Variants in STIP1 observed in about 807,000 individuals in gnomAD.
STIP1 encodes stress induced phosphoprotein 1.
Under a neutral mutation model 77.4 loss-of-function variants are expected in STIP1, and 16 were observed. The ratio of observed to expected loss-of-function variants is 0.21; its 90% CI spans 0.14 to 0.31. The LOEUF is 0.31. Among genes scored for constraint, STIP1 ranks in the 10% least tolerant of loss-of-function variants. The pLI is 1.00. For synonymous variants in STIP1, 258 were observed against 246.6 expected (o/e 1.05, Z -0.44); for missense variants, 524 against 684.8 (o/e 0.77, Z 2.62).
Position 64,204,228 on chromosome 11 carries a change from TCA to T in STIP1, c.*103_*104del. 2 of 1,159,884 alleles carry T rather than the reference TCA, an allele frequency of 1.7e-6. No individual in the cohort carries two copies. Among genetic ancestry groups the T allele is most frequent in the Non-Finnish European group, 1.3e-6 (1 of 794,256 alleles). 71.8% of individuals were successfully genotyped at this position (1,159,884 alleles called of 1,614,324 possible). On this transcript the variant is annotated 3_prime_UTR_variant, in exon 14 of 14. Transcript: ENST00000305218. ...AAGGGAGAGCAGGGGAGAGAAGGCC[TCA>T]TCTCTCTATATTTATACATAACCCC...
chr11:64,203,910 C>A, intron 13 of STIP1, 144 bp from the exon 14 acceptor site: 2 of 980,942 alleles, frequency 2.0e-6, no homozygotes, highest in Non-Finnish European at 1.6e-6. Flanking sequence ...GTGGAGCAGG[C>A]CTCTGCAGCT....
chr11:64,187,756 C>T (rs542537281), intron 1 of STIP1, among the ~76,000 whole-genome samples: 4 of 152,212 alleles, frequency 2.6e-5, no homozygotes, highest in African/African-American at 7.2e-5. Flanking sequence ...AATCCCAGCA[C>T]TTTGGGAGGC....
upstream of STIP1, chr11:64,185,971 A>T: frequency 6.5e-7 from 1 of 1,539,330 alleles, no homozygotes; most frequent in Non-Finnish European, 8.7e-7. Flanking sequence ...GGAGCCTGAG[A>T]TGGGTGGGTT....
chr11:64,191,306 C>CT (rs1946090120), intron 1 of STIP1, among the ~76,000 whole-genome samples: 1 of 151,220 alleles, frequency 6.6e-6, no homozygotes, highest in Non-Finnish European at 1.5e-5. Context: ...GAGATGCCAT[C>CT]TTTAAAAAAA....
In STIP1 at chr11:64,186,266, A is replaced by G; in HGVS notation, c.5A>G (p.Glu2Gly). The change falls in exon 1 of 14, where the codon GAG becomes GGG. Residue 2 changes from glutamate (E) to glycine (G), a missense_variant. By Grantham distance (98) the Glu-to-Gly change is moderately conservative. Coordinates refer to ENST00000305218, the MANE Select transcript of STIP1 (RefSeq NM_006819.3). ...GGTTCCGGACCGCGCTGCGCTATGG[A>G]GCAGGTGAAGGGGGAGGGGCGGGCT... is the stretch of plus-strand genomic sequence containing the variant. Reference protein sequence around the residue: MEQVNELKEKGN... With the variant: MGQVNELKEKGN... The G allele has an allele frequency of 6.1e-6, 9 of 1,472,548 alleles. No individual in the cohort carries two copies. The highest frequency in any genetic ancestry group is 8.2e-6 in the Non-Finnish European group (9 of 1,100,456). The allele number at this position is 1,472,548 out of a possible 1,614,324, so 91.2% of individuals were successfully genotyped here. A position where few individuals can be genotyped will look rare whatever the true frequency, so the allele number is the denominator to read the frequency against.
chr11:64,199,854 C>T (rs539976924), intron 8 of STIP1, 86 bp from the exon 9 acceptor site: 34 of 1,514,212 alleles, frequency 2.2e-5, no homozygotes, highest in Non-Finnish European at 2.1e-5. Context: ...TGAGCCACCG[C>T]GCCCGGCCCC....
At chr11:64,203,092 G>T (rs149788460) in intron 11 of STIP1, 33 bp from the exon 12 acceptor site, 1 of 1,612,604 alleles carries the variant, frequency 6.2e-7, no homozygotes, top group Non-Finnish European at 8.5e-7. Context: ...TGGGCGCTGC[G>T]GTTGGATAAC....
At chr11:64,195,084 G>C (rs1946133833) in intron 4 of STIP1, among the ~76,000 whole-genome samples, 1 of 152,184 alleles carries the variant, frequency 6.6e-6, no homozygotes, top group South Asian at 2.1e-4. Context: ...GAATAAACTT[G>C]ACCTCTGTGA....
chr11:64,191,693 G>T (rs1946094342), intron 1 of STIP1, among the ~76,000 whole-genome samples: 1 of 151,970 alleles, frequency 6.6e-6, no homozygotes, highest in Non-Finnish European at 1.5e-5. Context: ...CTTTTGTGGG[G>T]CAGCTCAGTA....
intron 13 of STIP1, 24 bp downstream of exon 13, chr11:64,203,646 C>T (rs369444665): frequency 6.2e-7 from 1 of 1,613,914 alleles, no homozygotes; most frequent in Non-Finnish European, 8.5e-7. Context: ...GAGAGGCGGC[C>T]TTGCTGGAAA....
chr11:64,188,729 T>C (rs1223785217), intron 1 of STIP1, among the ~76,000 whole-genome samples: 1 of 152,176 alleles, frequency 6.6e-6, no homozygotes. Context: ...TAGAAGTGTA[T>C]GTACAGGTAG....
At chr11:64,201,924 A>G (rs1465401765) in intron 10 of STIP1, among the ~76,000 whole-genome samples, 1 of 152,248 alleles carries the variant, frequency 6.6e-6, no homozygotes, top group East Asian at 1.9e-4. Flanking sequence ...CTCACTTTGA[A>G]GATGTTTCAA....
intron 1 of STIP1, among the ~76,000 whole-genome samples, chr11:64,186,803 T>G (rs147546718): frequency 6.6e-6 from 1 of 152,210 alleles, no homozygotes; most frequent in African/African-American, 2.4e-5. Context: ...TGGGATGCAG[T>G]TGGGGCAAAT....
At chr11:64,185,657 A>C (rs538687379), upstream of STIP1, 2 of 921,364 alleles carry the variant, frequency 2.2e-6, no homozygotes, top group East Asian at 2.7e-5. Context: ...GAGGCCCCGC[A>C]GCCGCCGGCG....
chr11:64,188,709 C>T (rs981839009), intron 1 of STIP1, among the ~76,000 whole-genome samples: 1 of 152,264 alleles, frequency 6.6e-6, no homozygotes. Flanking sequence ...TAAATTACCA[C>T]TACTGGTGAT....
intron 1 of STIP1, 110 bp downstream of exon 1, chr11:64,186,380 C>T (rs1591000709): frequency 1.5e-5 from 7 of 478,766 alleles, no homozygotes; most frequent in Non-Finnish European, 1.2e-5. Flanking sequence ...CGGAGCTCGG[C>T]GCTGGGGCCG....
rs1302889872 is a variant in STIP1, at chr11:64,204,291, T to C, written c.*165T>C. On this transcript the variant is annotated 3_prime_UTR_variant, in exon 14 of 14. Transcript: ENST00000305218. ...CAGAGACTCGTACCTGCGCTGTTTG[T>C]GCCGCCGCTGCCTCTGGGCCCTCCC... The C allele has an allele frequency of 1.4e-5, 9 of 661,508 alleles. No individual in the cohort carries two copies. The highest frequency in any genetic ancestry group is 2.3e-5 in the Non-Finnish European group (9 of 397,890). The allele number at this position is 661,508 out of a possible 1,614,324, so 41.0% of individuals were successfully genotyped here.
At chr11:64,199,762 A>G (rs929232811) in intron 8 of STIP1, among the ~76,000 whole-genome samples, 178 bp from the exon 9 acceptor site, 1 of 151,618 alleles carries the variant, frequency 6.6e-6, no homozygotes, top group Non-Finnish European at 1.5e-5. Flanking sequence ...ACAGGGTTTC[A>G]CCATGTTAGC....
chr11:64,194,169 T>C lies in STIP1; in HGVS notation c.220-20T>C, dbSNP rs201096337. On this transcript the variant is annotated intron_variant, in intron 2 of 13. Transcript: ENST00000305218. ...ACCTCTGGGTGTTCTCTATTTTGTG[T>C]CTGTCTTTGGTGGTTTAAGGGCTAT... 22 of 1,600,870 alleles carry C rather than the reference T, an allele frequency of 1.4e-5. No individual in the cohort carries two copies. Among genetic ancestry groups the C allele is most frequent in the Non-Finnish European group, 1.9e-5 (22 of 1,175,884 alleles).
Sources: allele counts gnomAD v4.1 joint callset (sites outside exome capture counted in the v4.1 genomes callset), GRCh38; gene constraint gnomAD v4.1.1; transcripts MANE v1.5; gene names NCBI Gene and HGNC (gene_info 2026-07-23, HGNC 2026-07-21).